DLGAP2: variants seen among roughly 807,000 people sequenced by gnomAD.
The protein encoded by DLGAP2 is disks large-associated protein 2.
Under a neutral mutation model 100.3 loss-of-function variants are expected in DLGAP2, and 26 were observed. The ratio of observed to expected loss-of-function variants is 0.26; its 90% confidence interval spans 0.19 to 0.36. DLGAP2 has a LOEUF of 0.36. Among genes scored for constraint, DLGAP2 ranks in the 10% least tolerant of loss-of-function variants. DLGAP2 has a pLI of 1.00. For missense variants in DLGAP2, 1,858 were observed against 1,453.2 expected (o/e 1.28, Z -4.53); for synonymous variants, 886 against 630.1 (o/e 1.41, Z -6.08).
intron 2 of DLGAP2, among the ~76,000 whole-genome samples, chr8:1,184,725 C>T (rs954128102): frequency 2.6e-5 from 4 of 152,220 alleles, no homozygotes; most frequent in Admixed American, 2.6e-4. Flanking sequence ...GCAGCTGTAG[C>T]CTGGGAGGAG....
rs549023769 is a variant in DLGAP2 at position 1,203,952 on chromosome 8, C to G, written c.74-54899C>G. Among the ~76,000 whole-genome samples, 69 of 152,182 alleles carry G rather than the reference C, an allele frequency of 4.5e-4. 1 individual carries two copies. The South Asian group carries it at 7.7e-3, about 17-fold the overall frequency. On this transcript the variant is annotated intron_variant, in intron 2 of 14. Transcript: ENST00000637795. ...CCCTGGGTGTGTGCATGTCAAGTGT[C>G]AAAAAATAGGTCACTTCCAAAAAGG...
At chr8:1,149,334 A>T (rs1796659327) in intron 2 of DLGAP2, among the ~76,000 whole-genome samples, 1 of 151,860 alleles carries the variant, frequency 6.6e-6, no homozygotes, top group Non-Finnish European at 1.5e-5. Flanking sequence ...TTTTTAGTAG[A>T]GGCGGAGTTT....
chr8:968,263 CA>C (rs1008458863), intron 2 of DLGAP2, among the ~76,000 whole-genome samples: 11 of 152,144 alleles, frequency 7.2e-5, no homozygotes, highest in Non-Finnish European at 1.6e-4. Context: ...CCCCTGCCCC[CA>C]ACCCCCCAGC....
At chr8:1,315,547 C>A (rs74577823) in intron 3 of DLGAP2, among the ~76,000 whole-genome samples, 1 of 142,900 alleles carries the variant, frequency 7.0e-6, no homozygotes, top group Non-Finnish European at 1.5e-5. Flanking sequence ...TCGAGAAACT[C>A]GGCAGCGTTT....
chr8:1,386,536 G>T (rs1011062751), intron 3 of DLGAP2, among the ~76,000 whole-genome samples: 1 of 152,156 alleles, frequency 6.6e-6, no homozygotes, highest in African/African-American at 2.4e-5. Context: ...CCAGGCACAG[G>T]CACACCACCG....
At chr8:1,321,314 G>C (rs1204638862) in intron 3 of DLGAP2, among the ~76,000 whole-genome samples, 1 of 151,620 alleles carries the variant, frequency 6.6e-6, no homozygotes, top group African/African-American at 2.4e-5. Flanking sequence ...GTGTGTCTCT[G>C]CGTGTGCGTG....
At chr8:966,803 T>C (rs1799883016) in intron 2 of DLGAP2, among the ~76,000 whole-genome samples, 1 of 152,232 alleles carries the variant, frequency 6.6e-6, no homozygotes, top group South Asian at 2.1e-4. Flanking sequence ...GTTGTTAGGA[T>C]GGTCAACCTT....
chr8:1,690,218 T>C (rs2130874689), intron 12 of DLGAP2, among the ~76,000 whole-genome samples: 1 of 151,750 alleles, frequency 6.6e-6, no homozygotes, highest in South Asian at 2.1e-4. Flanking sequence ...TAGCCAGGCA[T>C]GGTGGCATGC....
intron 3 of DLGAP2, among the ~76,000 whole-genome samples, chr8:1,286,999 C>T (rs1221759612): frequency 5.3e-5 from 8 of 152,342 alleles, no homozygotes; most frequent in Admixed American, 2.0e-4. Flanking sequence ...AAGAGAAGGT[C>T]AGTTTTATAA....
At chr8:1,063,190 A>G (rs1182237064) in intron 2 of DLGAP2, among the ~76,000 whole-genome samples, 1 of 152,228 alleles carries the variant, frequency 6.6e-6, no homozygotes, top group Non-Finnish European at 1.5e-5. Flanking sequence ...AAGTGCTGCC[A>G]TATATTTGTC....
At chr8:1,018,104 C>T (rs1295898180) in intron 2 of DLGAP2, among the ~76,000 whole-genome samples, 1 of 151,698 alleles carries the variant, frequency 6.6e-6, no homozygotes, top group Non-Finnish European at 1.5e-5. Context: ...AAGACTCTCA[C>T]ATGACCCCTG....
chr8:1,108,123 G>A (rs977080951), intron 2 of DLGAP2, among the ~76,000 whole-genome samples: 2 of 152,166 alleles, frequency 1.3e-5, no homozygotes, highest in Admixed American at 1.3e-4. Context: ...GGATGGACTG[G>A]ACGCTGCGCA....
intron 3 of DLGAP2, among the ~76,000 whole-genome samples, chr8:1,336,329 GA>G (rs1467167872): frequency 6.6e-6 from 1 of 152,244 alleles, no homozygotes; most frequent in East Asian, 1.9e-4. Flanking sequence ...TGGAAGTGAA[GA>G]AGGGAGAGGG....
intron 2 of DLGAP2, among the ~76,000 whole-genome samples, chr8:934,399 T>G (rs1799021648): frequency 6.6e-6 from 1 of 152,204 alleles, no homozygotes; most frequent in South Asian, 2.1e-4. Flanking sequence ...ACCTGGCTCT[T>G]TGTTTTCATC....
intron 1 of DLGAP2, among the ~76,000 whole-genome samples, chr8:820,366 C>T (rs904623181): frequency 2.0e-5 from 3 of 152,106 alleles, no homozygotes; most frequent in Non-Finnish European, 4.4e-5. Context: ...ATATGAAACC[C>T]TTCTAAACTG....
chr8:1,463,800 C>T (rs1798529317), intron 3 of DLGAP2, among the ~76,000 whole-genome samples: 3 of 152,226 alleles, frequency 2.0e-5, no homozygotes, highest in Non-Finnish European at 4.4e-5. Flanking sequence ...GGTGCAGCCA[C>T]GAGGGCTTCA....
At chr8:1,313,830 C>A (rs573887295) in intron 3 of DLGAP2, among the ~76,000 whole-genome samples, 1 of 152,182 alleles carries the variant, frequency 6.6e-6, no homozygotes, top group South Asian at 2.1e-4. Context: ...CAAAACTGAA[C>A]CTTGATAACC....
In DLGAP2 at chr8:1,329,076, G is replaced by GGCGACAA. The variant is rs762022211; in HGVS notation, c.106+70194_106+70195insCGACAAG. Among the ~76,000 whole-genome samples, 280 of 151,482 alleles carry GGCGACAA rather than the reference G, an allele frequency of 1.8e-3. 2 individuals carry two copies. The highest frequency in any genetic ancestry group is 6.3e-3 in the African/African-American group (257 of 40,770). On this transcript the variant is annotated intron_variant, in intron 3 of 14. Transcript: ENST00000637795. Reference sequence around the variant, plus strand: ...CTTGGCTAAACTGCGACAGGCGACAGGTGACAAGCGACAAGCGACGAGTGG... The same window carrying GGCGACAA: ...CTTGGCTAAACTGCGACAGGCGACAGGCGACAAGTGACAAGCGACAAGCGACGAGTGG...
chr8:789,306 C>A (rs971422049), intron 1 of DLGAP2, among the ~76,000 whole-genome samples: 1 of 152,158 alleles, frequency 6.6e-6, no homozygotes, highest in Non-Finnish European at 1.5e-5. Context: ...ACAACCATGG[C>A]GGAAGGCGAA....
Sources: allele counts gnomAD v4.1 joint callset (sites outside exome capture counted in the v4.1 genomes callset), GRCh38; gene constraint gnomAD v4.1.1; transcripts MANE v1.5; gene names NCBI Gene and HGNC (gene_info 2026-07-23, HGNC 2026-07-21).